The following KREMEN2 variants were observed in gnomAD, a reference collection of about 807,000 sequenced individuals.
The protein encoded by KREMEN2 is kringle containing transmembrane protein 2.
A neutral mutation model predicts 49.8 loss-of-function variants in KREMEN2; 43 were observed. The observed-to-expected ratio is 0.86, with a 90% CI of 0.68 to 1.11. The LOEUF (loss-of-function observed/expected upper bound fraction) is 1.11, where lower values mean the gene tolerates loss of function less well. Among genes scored for constraint, KREMEN2 ranks in the 50% most tolerant of loss-of-function variants. KREMEN2 has a pLI of 0.00. For synonymous variants in KREMEN2, 355 were observed against 304.9 expected, an observed-to-expected ratio of 1.16 and a Z score of -1.71; for missense variants, 686 against 665.7, an observed-to-expected ratio of 1.03 and a Z score of -0.34.
Position 2,964,622 on chromosome 16 carries a change from C to G in KREMEN2, c.94+8C>G. The G allele has an allele frequency of 5.1e-6, 8 of 1,576,776 alleles. No homozygotes were observed. Among genetic ancestry groups the G allele is most frequent in the Non-Finnish European group, 6.9e-6 (8 of 1,165,210 alleles). On this transcript the variant is annotated splice_region_variant and intron_variant, in intron 1 of 8. Coordinates refer to ENST00000303746, the MANE Select transcript of KREMEN2 (RefSeq NM_172229.3). ...GGAGCCTGCACAGTCCAGGTAAGTC[C>G]CCGCACGGCTGTCGGGCCGTGTTCA...
At position 2,968,145 on chromosome 16, in the gene KREMEN2, A is replaced by G; in HGVS notation, c.*125A>G. 1 of 1,101,072 alleles carries G rather than the reference A, an allele frequency of 9.1e-7. No individual in the cohort carries two copies. Among genetic ancestry groups the G allele is most frequent in the Admixed American group, 2.1e-5 (1 of 47,980 alleles). The allele number at this position is 1,101,072 out of a possible 1,614,324, so 68.2% of individuals were successfully genotyped here. A position where few individuals can be genotyped will look rare whatever the true frequency, so the allele number is the denominator to read the frequency against. Reference sequence around the variant, plus strand: ...CTCGGCCTCTGGTCGCCTTGGGGAGACCAAAAGTCGGACAGGAAACATCTG... The same window carrying G: ...CTCGGCCTCTGGTCGCCTTGGGGAGGCCAAAAGTCGGACAGGAAACATCTG... On this transcript the variant is annotated 3_prime_UTR_variant, in exon 9 of 9. Transcript: ENST00000303746.
rs954182527 is a variant in KREMEN2 at position 2,965,091 on chromosome 16, C to G, written c.269+58C>G. The G allele has an allele frequency of 1.8e-5, 24 of 1,314,520 alleles. 1 individual carries two copies. In the Middle Eastern group the frequency reaches 7.6e-4, roughly 42 times the overall value. The allele number at this position is 1,314,520 out of a possible 1,614,324, so 81.4% of individuals were successfully genotyped here. A position where few individuals can be genotyped will look rare whatever the true frequency, so the allele number is the denominator to read the frequency against. On this transcript the variant is annotated intron_variant, in intron 2 of 8. Coordinates refer to ENST00000303746, the MANE Select transcript of KREMEN2 (RefSeq NM_172229.3). ...TGGGCTCACCATTGCAGGGATGGCC[C>G]GAAGCGGGGCCTCCGTGCGGGCGGG...
At chr16:2,967,283 C>T (rs1227995542) in intron 6 of KREMEN2, 37 bp from the exon 7 acceptor site, 18 of 1,365,340 alleles carry the variant, frequency 1.3e-5, no homozygotes, top group Non-Finnish European at 1.7e-5. Flanking sequence ...TGTTCCCACC[C>T]CGCTCTCCCC....
rs1038469891 is a variant in KREMEN2 at position 2,968,031 on chromosome 16, C to T, written c.*11C>T. ...ATCTCCGCTCTCTGACTCTGGGCCC[C>T]GAGGGTCCGCTGGGCCCGCCGCCGG... is the stretch of plus-strand genomic sequence containing the variant. On this transcript the variant is annotated 3_prime_UTR_variant, in exon 9 of 9. Transcript: ENST00000303746. 5 of 1,541,720 alleles carry T rather than the reference C, an allele frequency of 3.2e-6. No individual in the cohort carries two copies. In the African/African-American group the frequency reaches 5.4e-5, roughly 17 times the overall value.
At chr16:2,965,085 A>T (rs1027746997) in intron 2 of KREMEN2, 52 bp downstream of exon 2, 10 of 1,334,708 alleles carry the variant, frequency 7.5e-6, no homozygotes, top group Non-Finnish European at 9.7e-6. Context: ...CATTGCAGGG[A>T]TGGCCCGAAG....
chr16:2,966,106 G>A lies in KREMEN2; in HGVS notation c.270-34G>A. ...GGCCTGGGTTTGCTATTCTTGGGGTGGTGGGAGCCCCACCACCTCCCTCCC... is the reference window on the plus strand; with the variant it reads ...GGCCTGGGTTTGCTATTCTTGGGGTAGTGGGAGCCCCACCACCTCCCTCCC... On this transcript the variant is annotated intron_variant, in intron 2 of 8. Transcript: ENST00000303746. This position sits in a 1 kb window ranked among gnomAD's most constrained non-coding sequence, Gnocchi z 8.4. 2 of 1,589,460 alleles carry A rather than the reference G, an allele frequency of 1.3e-6. No homozygotes were observed. The highest frequency in any genetic ancestry group is 1.7e-6 in the Non-Finnish European group (2 of 1,160,538).
chr16:2,965,160 C>A lies in KREMEN2; in HGVS notation c.269+127C>A, dbSNP rs927435889. 1.4e-4 allele frequency: 5 copies of A among 36,430 alleles called. No homozygotes were observed. In the East Asian group the frequency reaches 2.7e-3, roughly 19 times the overall value. The allele number at this position is 36,430 out of a possible 1,614,324, so 2.3% of individuals were successfully genotyped here. On this transcript the variant is annotated intron_variant, in intron 2 of 8. Coordinates refer to ENST00000303746, the MANE Select transcript of KREMEN2 (RefSeq NM_172229.3). ...CTGGCAGCCCAGCCTCCTGGAGAACCTGGGGGCGGGGCCAGAATGAGGGGC... is the reference window on the plus strand; with the variant it reads ...CTGGCAGCCCAGCCTCCTGGAGAACATGGGGGCGGGGCCAGAATGAGGGGC...
In KREMEN2 at chr16:2,964,629, G is replaced by C. The variant is rs370524362; in HGVS notation, c.94+15G>C. On this transcript the variant is annotated intron_variant, in intron 1 of 8. Coordinates refer to ENST00000303746, the MANE Select transcript of KREMEN2 (RefSeq NM_172229.3). Reference sequence around the variant, plus strand: ...GCACAGTCCAGGTAAGTCCCCGCACGGCTGTCGGGCCGTGTTCACCACCCC... The same window carrying C: ...GCACAGTCCAGGTAAGTCCCCGCACCGCTGTCGGGCCGTGTTCACCACCCC... 4 of 1,566,226 alleles carry C rather than the reference G, an allele frequency of 2.6e-6. No individual in the cohort carries two copies. The highest frequency in any genetic ancestry group is 3.5e-6 in the Non-Finnish European group (4 of 1,158,780).
Position 2,967,917 on chromosome 16 carries a change from C to G in KREMEN2, c.1286C>G (p.Pro429Arg). 1 of 1,570,588 alleles carries G rather than the reference C, an allele frequency of 6.4e-7. No individual in the cohort carries two copies. Among genetic ancestry groups the G allele is most frequent in the Non-Finnish European group, 8.6e-7 (1 of 1,159,066 alleles). ...CAACAGCCCCGAGGGGTGGCCTTGC[C>G]CTGCTCCCCCGGGGACCCCCAGGCT... ...WYQQPRGVALPCSPGDPQAEG... is the reference protein window; with the variant it reads ...WYQQPRGVALRCSPGDPQAEG... The change falls in exon 9 of 9, where the codon CCC becomes CGC. Residue 429 changes from proline (P) to arginine (R), a missense_variant. Coordinates refer to ENST00000303746, the MANE Select transcript of KREMEN2 (RefSeq NM_172229.3).
Position 2,966,243 on chromosome 16 carries a change from G to A in KREMEN2, c.361+12G>A, listed in dbSNP as rs776567944. The A allele has an allele frequency of 1.5e-5, 24 of 1,613,338 alleles. No individual in the cohort carries two copies. Among genetic ancestry groups the A allele is most frequent in the Non-Finnish European group, 1.4e-5 (16 of 1,179,966 alleles). On this transcript the variant is annotated intron_variant, in intron 3 of 8. Transcript: ENST00000303746. The surrounding 1 kb of genome is among the most constrained non-coding windows in gnomAD (Gnocchi z 8.4). ...CCCCTCCTGTCACAGTGAGTAGCGC[G>A]GCTGGACAGAGGTGGGAACGCTGCT...
In KREMEN2 at chr16:2,964,389, G is replaced by C; in HGVS notation, c.-132G>C. 2 of 628,360 alleles carry C rather than the reference G, an allele frequency of 3.2e-6. No individual in the cohort carries two copies. The highest frequency in any genetic ancestry group is 1.9e-5 in the African/African-American group (1 of 52,080). 38.9% of individuals were successfully genotyped at this position (628,360 alleles called of 1,614,324 possible). On this transcript the variant is annotated 5_prime_UTR_variant, in exon 1 of 9. Coordinates refer to ENST00000303746, the MANE Select transcript of KREMEN2 (RefSeq NM_172229.3). ...GATTTACCCACCCCAGACGGAAAGC[G>C]CGGCTCAGAGTCGGACGAGGGGAGA...
At chr16:2,965,092 G>T (rs1452082704) in intron 2 of KREMEN2, 59 bp downstream of exon 2, 76 of 1,353,142 alleles carry the variant, frequency 5.6e-5, no homozygotes, top group Non-Finnish European at 7.1e-5. Context: ...GGGATGGCCC[G>T]AAGCGGGGCC....
intron 2 of KREMEN2, 131 bp downstream of exon 2, chr16:2,965,164 G>A: frequency 1.7e-6 from 1 of 605,430 alleles, no homozygotes. Context: ...GAGAACCTGG[G>A]GGCGGGGCCA....
Position 2,964,597 on chromosome 16 carries a change from G to A in KREMEN2, c.77G>A (p.Gly26Glu), listed in dbSNP as rs1301126688. Residue 26 changes from glycine to glutamate, a missense_variant, in exon 1 of 9, where the codon GGG becomes GAG. Gly to Glu is a moderately conservative substitution (Grantham distance 98). Coordinates refer to ENST00000303746, the MANE Select transcript of KREMEN2 (RefSeq NM_172229.3). ...CTGCAGCCGCGTGGGGCCTCGGCTG[G>A]GAGCCTGCACAGTCCAGGTAAGTCC... ...PLLQPRGASAGSLHSPGLSEC... is the reference protein window; with the variant it reads ...PLLQPRGASAESLHSPGLSEC... 1.2e-6 allele frequency: 2 copies of A among 1,607,786 alleles called. No homozygotes were observed. Among genetic ancestry groups the A allele is most frequent in the African/African-American group, 1.3e-5 (1 of 74,356 alleles).
At chr16:2,965,117 G>C (rs1395726196) in intron 2 of KREMEN2, 84 bp downstream of exon 2, 2 of 1,208,666 alleles carry the variant, frequency 1.7e-6, no homozygotes, top group Non-Finnish European at 2.2e-6. Flanking sequence ...TGCGGGCGGG[G>C]TGGAGGTCTG....
chr16:2,965,811 C>T (rs1267924109), intron 2 of KREMEN2, among the ~76,000 whole-genome samples: 1 of 150,518 alleles, frequency 6.6e-6, no homozygotes, highest in Non-Finnish European at 1.5e-5. Context: ...ACGGAAGTGG[C>T]TGAGGCCCAT....
In KREMEN2 at chr16:2,966,987, G is replaced by T. The variant is rs769470692; in HGVS notation, c.718G>T (p.Gly240Trp). Reference sequence around the variant, plus strand: ...CTCCCCGGACTTCCCGGACGAGTACGGGCCGGACCGGAACTGCAGCTGGGC... The same window carrying T: ...CTCCCCGGACTTCCCGGACGAGTACTGGCCGGACCGGAACTGCAGCTGGGC... Reference protein sequence around the residue: ...IYSPDFPDEYGPDRNCSWALG... With the variant: ...IYSPDFPDEYWPDRNCSWALG... The change falls in exon 6 of 9, where the codon GGG becomes TGG. Residue 240 changes from glycine (G) to tryptophan (W), a missense_variant. Transcript: ENST00000303746. This position sits in a 1 kb window ranked among gnomAD's most constrained non-coding sequence, Gnocchi z 8.4. 1.3e-6 allele frequency: 2 copies of T among 1,554,044 alleles called. No individual in the cohort carries two copies. The highest frequency in any genetic ancestry group is 1.2e-5 in the South Asian group (1 of 84,592).
At position 2,966,276 on chromosome 16, in the gene KREMEN2, G is replaced by A. The variant is rs1249557252; in HGVS notation, c.361+45G>A. Reference sequence around the variant, plus strand: ...AGAGGTGGGAACGCTGCTGCATCTGGGAGGAGGGTTGTTTTCGGAGTCACG... The same window carrying A: ...AGAGGTGGGAACGCTGCTGCATCTGAGAGGAGGGTTGTTTTCGGAGTCACG... On this transcript the variant is annotated intron_variant, in intron 3 of 8. Transcript: ENST00000303746. The surrounding 1 kb of genome is among the most constrained non-coding windows in gnomAD (Gnocchi z 8.4). 6.2e-7 allele frequency: 1 copy of A among 1,613,278 alleles called. No individual in the cohort carries two copies. Among genetic ancestry groups the A allele is most frequent in the East Asian group, 2.2e-5 (1 of 44,876 alleles).
rs1251156838 is a variant in KREMEN2 at position 2,966,992 on chromosome 16, G to T, written c.723G>T (p.Pro241=). The T allele has an allele frequency of 2.6e-6, 4 of 1,553,792 alleles. No individual in the cohort carries two copies. Among genetic ancestry groups the T allele is most frequent in the South Asian group, 1.2e-5 (1 of 84,530 alleles). Residue 241 remains proline (P), a synonymous_variant, in exon 6 of 9, where the codon CCG becomes CCT. Transcript: ENST00000303746. The surrounding 1 kb of genome is among the most constrained non-coding windows in gnomAD (Gnocchi z 8.4). ...CGGACTTCCCGGACGAGTACGGGCCGGACCGGAACTGCAGCTGGGCCCTGG... is the reference window on the plus strand; with the variant it reads ...CGGACTTCCCGGACGAGTACGGGCCTGACCGGAACTGCAGCTGGGCCCTGG... The part of the protein sequence containing the change: ...YSPDFPDEYG[P]DRNCSWALGP...
Sources: allele counts gnomAD v4.1 joint callset (sites outside exome capture counted in the v4.1 genomes callset), GRCh38; gene constraint gnomAD v4.1.1; non-coding constraint Gnocchi (gnomAD v3.1); transcripts MANE v1.5; gene names NCBI Gene and HGNC (gene_info 2026-07-23, HGNC 2026-07-21).